RAB38: variants seen among roughly 807,000 people sequenced by gnomAD.
The protein encoded by RAB38 is RAB38, member RAS oncogene family.
In RAB38, 15 loss-of-function variants were observed where a neutral mutation model predicts 18.4. The observed-to-expected ratio is 0.82, with a 90% CI of 0.55 to 1.26. The LOEUF is 1.26. Among genes scored for constraint, RAB38 ranks in the 50% most tolerant of loss-of-function variants. The probability of loss-of-function intolerance (pLI) is 0.00; values close to 1 mark genes in which losing one functional copy is unlikely to be tolerated. For synonymous variants in RAB38, 101 were observed against 104.4 expected, an observed-to-expected ratio of 0.97 and a Z score of 0.20; for missense variants, 294 against 267.4, an observed-to-expected ratio of 1.10 and a Z score of -0.69.
At chr11:87,898,855 C>T in the RAB38 span, among the ~76,000 whole-genome samples, 2 of 151,538 alleles carry the variant, frequency 1.3e-5, no homozygotes, top group African/African-American at 2.4e-5. Context: ...AAAATGTGTC[C>T]ATAAGACAAA....
chr11:88,151,678 T>C (rs1433740720), intron 1 of RAB38, among the ~76,000 whole-genome samples: 1 of 152,240 alleles, frequency 6.6e-6, no homozygotes, highest in Admixed American at 6.5e-5. Flanking sequence ...AAGAACACTT[T>C]ACCCTTAATT....
chr11:87,815,899 A>G, the RAB38 span: 1 of 152,466 alleles, frequency 6.6e-6, no homozygotes, highest in Non-Finnish European at 1.5e-5. Flanking sequence ...ATATTGAAGC[A>G]CCGTTAGCAT....
chr11:87,969,798 G>A, the RAB38 span, among the ~76,000 whole-genome samples: 6 of 152,228 alleles, frequency 3.9e-5, no homozygotes, highest in African/African-American at 1.4e-4. Flanking sequence ...AAAGGTAACA[G>A]CTTTTAGAAT....
chr11:87,814,140 C>T, the RAB38 span, among the ~76,000 whole-genome samples: 1 of 152,162 alleles, frequency 6.6e-6, no homozygotes, highest in South Asian at 2.1e-4. Context: ...GTTATGGGCC[C>T]AGAGCAAGGA....
chr11:87,852,475 A>T, the RAB38 span, among the ~76,000 whole-genome samples: 12 of 152,240 alleles, frequency 7.9e-5, no homozygotes, highest in African/African-American at 2.9e-4. Flanking sequence ...ATTGTGAGCA[A>T]AATATTCTTA....
At chr11:87,820,413 A>T in the RAB38 span, among the ~76,000 whole-genome samples, 4 of 152,216 alleles carry the variant, frequency 2.6e-5, no homozygotes, top group African/African-American at 9.7e-5. Context: ...ATGAGCTCCA[A>T]ATGAAAAATG....
chr11:87,823,548 A>G, the RAB38 span, among the ~76,000 whole-genome samples: 1 of 152,210 alleles, frequency 6.6e-6, no homozygotes, highest in African/African-American at 2.4e-5. Context: ...GTGTGGCATT[A>G]TCTAACATAA....
At chr11:88,022,631 A>C in the RAB38 span, among the ~76,000 whole-genome samples, 1 of 150,986 alleles carries the variant, frequency 6.6e-6, no homozygotes, top group Non-Finnish European at 1.5e-5. Flanking sequence ...AAAAAAAAAA[A>C]ACAACTATTA....
chr11:87,821,165 C>T, the RAB38 span, among the ~76,000 whole-genome samples: 483 of 152,040 alleles, frequency 3.2e-3, 2 homozygotes, highest in African/African-American at 0.011. Flanking sequence ...TTTAAAAAGC[C>T]GGGCACATTA....
chr11:88,056,596 A>G, the RAB38 span, among the ~76,000 whole-genome samples: 1 of 152,000 alleles, frequency 6.6e-6, no homozygotes, highest in East Asian at 1.9e-4. Context: ...CGAGGTCAGG[A>G]GTTTGAGACC....
At chr11:87,885,075 CATG>C in the RAB38 span, among the ~76,000 whole-genome samples, 1 of 151,988 alleles carries the variant, frequency 6.6e-6, no homozygotes, top group African/African-American at 2.4e-5. Flanking sequence ...AAAATTTCTT[CATG>C]ATGATTTCAA....
At chr11:87,937,351 T>TATAA in the RAB38 span, among the ~76,000 whole-genome samples, 9 of 112,108 alleles carry the variant, frequency 8.0e-5, no homozygotes, top group East Asian at 5.3e-4. Context: ...TATATATATA[T>TATAA]CATAATTCTA....
the RAB38 span, among the ~76,000 whole-genome samples, chr11:87,849,694 G>A: frequency 6.6e-6 from 1 of 151,982 alleles, no homozygotes; most frequent in Non-Finnish European, 1.5e-5. Context: ...ATCTTCAAAG[G>A]GAAATAATCA....
chr11:87,935,436 CTTCT>C, the RAB38 span, among the ~76,000 whole-genome samples: 3 of 152,114 alleles, frequency 2.0e-5, no homozygotes, highest in Admixed American at 6.6e-5. Flanking sequence ...CTTCAGAAGA[CTTCT>C]TTTTCACACA....
At chr11:88,030,789 C>T in the RAB38 span, among the ~76,000 whole-genome samples, 3 of 152,140 alleles carry the variant, frequency 2.0e-5, no homozygotes. Flanking sequence ...AGCCCAATTC[C>T]ACCAGAGGTA....
At chr11:87,855,636 GGAT>G in the RAB38 span, among the ~76,000 whole-genome samples, 1 of 152,020 alleles carries the variant, frequency 6.6e-6, no homozygotes, top group Non-Finnish European at 1.5e-5. Flanking sequence ...TTATTTTTAA[GGAT>G]GATAAGATAA....
chr11:87,947,783 T>G, the RAB38 span, among the ~76,000 whole-genome samples: 1 of 152,146 alleles, frequency 6.6e-6, no homozygotes, highest in Non-Finnish European at 1.5e-5. Context: ...TGTTTTGGTT[T>G]GGTTACTGTA....
chr11:87,803,787 C>T, the RAB38 span, among the ~76,000 whole-genome samples: 1 of 152,126 alleles, frequency 6.6e-6, no homozygotes, highest in African/African-American at 2.4e-5. Context: ...ATAGGATAGA[C>T]ACTGACATCG....
the RAB38 span, among the ~76,000 whole-genome samples, chr11:87,957,328 G>T: frequency 3.9e-5 from 6 of 152,010 alleles, no homozygotes; most frequent in East Asian, 1.2e-3. Context: ...GGGGCAATAA[G>T]GTAATAACTT....
Sources: gnomAD v4.1 joint callset for allele counts (sites outside exome capture counted in the v4.1 genomes callset) on GRCh38, gnomAD v4.1.1 for gene constraint, MANE v1.5 for transcripts, NCBI Gene and HGNC (gene_info 2026-07-23, HGNC 2026-07-21) for gene names.